The following SEL1L2 variants were observed in gnomAD, a reference collection of about 807,000 sequenced individuals.
SEL1L2 encodes the protein SEL1L2 adaptor subunit of SYVN1 ubiquitin ligase, also known as protein sel-1 homolog 2.
SEL1L2 carries 89 observed loss-of-function variants against 98.8 expected under a neutral mutation model. The observed-to-expected ratio is 0.90, with a 90% CI of 0.76 to 1.07. The LOEUF is 1.07. Among genes scored for constraint, SEL1L2 ranks in the 50% least tolerant of loss-of-function variants. The pLI is 0.00. For missense variants in SEL1L2, 788 were observed against 812.0 expected (o/e 0.97, Z 0.36); for synonymous variants, 262 against 278.5 (o/e 0.94, Z 0.59).
intron 1 of SEL1L2, among the ~76,000 whole-genome samples, chr20:13,978,944 C>T (rs1310194967): frequency 2.6e-5 from 4 of 152,160 alleles, no homozygotes; most frequent in African/African-American, 7.2e-5. Flanking sequence ...CTGTAATTTC[C>T]GGTCACTTGG....
At position 13,956,088 on chromosome 20, in the gene SEL1L2, A is replaced by G; in HGVS notation, c.102T>C (p.Asn34=). The G allele has an allele frequency of 6.4e-7, 1 of 1,565,132 alleles. No homozygotes were observed. Among genetic ancestry groups the G allele is most frequent in the Non-Finnish European group, 8.7e-7 (1 of 1,148,660 alleles). Residue 34 remains asparagine, a synonymous_variant, in exon 2 of 20, where the codon AAT becomes AAC. Coordinates refer to ENST00000284951, the MANE Select transcript of SEL1L2 (RefSeq NM_025229.2). ...GCAAAATATTTACCTGTGTGGTGAC[A>G]TTTCTTTCCTTTTGTCTTTTATTAT... ...EEHNKRQKER[N]VTTQVSVNEI... is the part of the protein sequence containing the mutation.
chr20:13,941,736 G>T (rs2049786340), intron 2 of SEL1L2, among the ~76,000 whole-genome samples: 1 of 152,178 alleles, frequency 6.6e-6, no homozygotes, highest in Non-Finnish European at 1.5e-5. Flanking sequence ...CCTTCAAATT[G>T]GGTGCCTATA....
chr20:13,854,590 A>G (rs949015259), intron 18 of SEL1L2, among the ~76,000 whole-genome samples: 1 of 152,190 alleles, frequency 6.6e-6, no homozygotes, highest in Non-Finnish European at 1.5e-5. Context: ...TCTCTTCTGT[A>G]GTGGACTGTG....
intron 12 of SEL1L2, among the ~76,000 whole-genome samples, chr20:13,873,061 G>A (rs2046277505): frequency 6.6e-6 from 1 of 150,918 alleles, no homozygotes; most frequent in African/African-American, 2.4e-5. Context: ...AGTGATCTCA[G>A]CTCACTGCAA....
At chr20:13,970,129 G>A (rs1273680598) in intron 1 of SEL1L2, among the ~76,000 whole-genome samples, 1 of 150,582 alleles carries the variant, frequency 6.6e-6, no homozygotes. Context: ...ATGTCATTCT[G>A]CTGCTGGATC....
chr20:13,943,718 G>A (rs1054540963), intron 2 of SEL1L2, among the ~76,000 whole-genome samples: 1 of 152,184 alleles, frequency 6.6e-6, no homozygotes, highest in Non-Finnish European at 1.5e-5. Flanking sequence ...GGGGAGTTAA[G>A]TAATGAGCAA....
chr20:13,906,764 T>A (rs1600698860), intron 5 of SEL1L2, among the ~76,000 whole-genome samples: 1 of 152,152 alleles, frequency 6.6e-6, no homozygotes, highest in Non-Finnish European at 1.5e-5. Context: ...CTGCAACCTC[T>A]GCCTCCCAGG....
At position 13,878,950 on chromosome 20, in the gene SEL1L2, A is replaced by G. The variant is rs534766748; in HGVS notation, c.958-1362T>C. ...AAGGGAATAGAATAAAAGACATTGT[A>G]TCCAGTTCTCCTATAAGTTTTTGCA... On this transcript the variant is annotated intron_variant, in intron 10 of 19. Transcript: ENST00000284951. Among the ~76,000 whole-genome samples the G allele has an allele frequency of 7.2e-5, 11 of 152,352 alleles. No homozygotes were observed. The South Asian group carries it at 2.3e-3, about 32-fold the overall frequency.
intron 12 of SEL1L2, among the ~76,000 whole-genome samples, chr20:13,871,202 G>T (rs1263123494): frequency 6.6e-6 from 1 of 152,136 alleles, no homozygotes; most frequent in Non-Finnish European, 1.5e-5. Flanking sequence ...AGATAGTAAA[G>T]CATCGTTGGT....
At chr20:13,852,805 T>C (rs1988490645) in intron 18 of SEL1L2, among the ~76,000 whole-genome samples, 1 of 152,200 alleles carries the variant, frequency 6.6e-6, no homozygotes, top group Non-Finnish European at 1.5e-5. Context: ...TTTATGAAAA[T>C]TGTACAATTG....
chr20:13,896,978 G>A (rs939987667), intron 5 of SEL1L2, among the ~76,000 whole-genome samples: 7 of 152,112 alleles, frequency 4.6e-5, no homozygotes, highest in African/African-American at 1.2e-4. Flanking sequence ...AAAACAAAAT[G>A]GGAGGCCTCA....
chr20:13,939,035 G>GTTTTTTT (rs779584914), intron 2 of SEL1L2, among the ~76,000 whole-genome samples: 577 of 31,332 alleles, frequency 0.018, 30 homozygotes, highest in Middle Eastern at 0.038. Context: ...TTGTTTGCTT[G>GTTTTTTT]TTTTGTTTTT....
At chr20:13,930,483 CT>C (rs371054829) in intron 3 of SEL1L2, among the ~76,000 whole-genome samples, 20 of 152,198 alleles carry the variant, frequency 1.3e-4, no homozygotes, top group African/African-American at 4.1e-4. Flanking sequence ...AATAAATAGT[CT>C]CTTTATTAAA....
At chr20:13,852,585 C>G (rs938652586) in intron 18 of SEL1L2, among the ~76,000 whole-genome samples, 2 of 152,166 alleles carry the variant, frequency 1.3e-5, no homozygotes, top group African/African-American at 4.8e-5. Context: ...CATACCCAGT[C>G]CACTTAGATT....
intron 1 of SEL1L2, among the ~76,000 whole-genome samples, chr20:13,970,868 G>T (rs1022208430): frequency 1.3e-5 from 2 of 149,422 alleles, no homozygotes; most frequent in Admixed American, 1.3e-4. Context: ...TTAATTAATA[G>T]AAATTAATAT....
At chr20:13,908,523 G>C (rs1407015756) in intron 5 of SEL1L2, among the ~76,000 whole-genome samples, 1 of 152,158 alleles carries the variant, frequency 6.6e-6, no homozygotes. Flanking sequence ...TAAGGAAAGA[G>C]TGAGTCTTTA....
intron 2 of SEL1L2, among the ~76,000 whole-genome samples, chr20:13,947,818 T>A (rs1390697926): frequency 6.6e-6 from 1 of 152,218 alleles, no homozygotes; most frequent in Non-Finnish European, 1.5e-5. Context: ...GTGCATCTGA[T>A]CCAGCCACAG....
At chr20:13,929,956 A>ATT (rs1195011269) in intron 3 of SEL1L2, among the ~76,000 whole-genome samples, 5 of 152,040 alleles carry the variant, frequency 3.3e-5, no homozygotes, top group Admixed American at 1.3e-4. Context: ...ACACCCGGTT[A>ATT]TTTTTTGTAA....
intron 1 of SEL1L2, among the ~76,000 whole-genome samples, chr20:13,963,257 A>G (rs2050864379): frequency 6.6e-6 from 1 of 151,874 alleles, no homozygotes; most frequent in African/African-American, 2.4e-5. Context: ...TCACTCACCT[A>G]CTTAACTTCC....
Sources: gnomAD v4.1 joint callset for allele counts (sites outside exome capture counted in the v4.1 genomes callset) on GRCh38, gnomAD v4.1.1 for gene constraint, MANE v1.5 for transcripts, NCBI Gene and HGNC (gene_info 2026-07-23, HGNC 2026-07-21) for gene names.